KMT2C: variants seen among roughly 807,000 people sequenced by gnomAD.
KMT2C encodes lysine methyltransferase 2C.
A neutral mutation model predicts 507.9 loss-of-function variants in KMT2C; 88 were observed. The ratio of observed to expected loss-of-function variants is 0.17; its 90% confidence interval spans 0.15 to 0.21. The LOEUF (loss-of-function observed/expected upper bound fraction) is 0.21. Among genes scored for constraint, KMT2C ranks in the 10% least tolerant of loss-of-function variants. The pLI, the probability that KMT2C is intolerant of heterozygous loss-of-function variation, is 1.00. For synonymous variants in KMT2C, 2,049 were observed against 2,080.8 expected (o/e 0.98, Z 0.42); for missense variants, 4,954 against 5,957.8 (o/e 0.83, Z 5.55).
chr7:152,349,400 C>T (rs1288465796), intron 2 of KMT2C, among the ~76,000 whole-genome samples: 2 of 151,792 alleles, frequency 1.3e-5, no homozygotes, highest in African/African-American at 4.8e-5. Flanking sequence ...GCCAAGATCA[C>T]ACCATTGCAC....
intron 1 of KMT2C, among the ~76,000 whole-genome samples, chr7:152,369,338 C>CAA (rs369176050): frequency 7.2e-6 from 1 of 139,654 alleles, no homozygotes; most frequent in East Asian, 2.0e-4. Flanking sequence ...AAAACAAAAA[C>CAA]AAAAAAAAAA....
intron 1 of KMT2C, among the ~76,000 whole-genome samples, chr7:152,364,740 G>A (rs543500699): frequency 6.6e-6 from 1 of 151,518 alleles, no homozygotes; most frequent in Non-Finnish European, 1.5e-5. Flanking sequence ...TCAAAATAAA[G>A]AACAGTATGA....
At chr7:152,330,941 T>C (rs145535633) in intron 2 of KMT2C, among the ~76,000 whole-genome samples, 73 of 152,340 alleles carry the variant, frequency 4.8e-4, no homozygotes, top group African/African-American at 1.7e-3. Flanking sequence ...ATCAAAATAA[T>C]GTGAAGCATG....
chr7:152,253,543 A>G (rs1302714004), intron 9 of KMT2C, among the ~76,000 whole-genome samples: 1 of 147,506 alleles, frequency 6.8e-6, no homozygotes, highest in Non-Finnish European at 1.5e-5. Flanking sequence ...AAAAAAAAAA[A>G]TTTAATTAGC....
chr7:152,409,439 C>T (rs1407019500), intron 1 of KMT2C, among the ~76,000 whole-genome samples: 1 of 151,510 alleles, frequency 6.6e-6, no homozygotes, highest in African/African-American at 2.4e-5. Flanking sequence ...TTAAGTGGGC[C>T]AGGTGCAGTG....
At chr7:152,427,732 C>T (rs145654271) in intron 1 of KMT2C, among the ~76,000 whole-genome samples, 2 of 152,290 alleles carry the variant, frequency 1.3e-5, no homozygotes, top group Non-Finnish European at 1.5e-5. Flanking sequence ...AATTCCCATA[C>T]GCCATATTCT....
intron 2 of KMT2C, among the ~76,000 whole-genome samples, chr7:152,338,743 T>C (rs772902103): frequency 1.3e-5 from 2 of 152,212 alleles, no homozygotes; most frequent in Non-Finnish European, 2.9e-5. Context: ...CCTGATGTGC[T>C]CTTTTCACTA....
At chr7:152,260,236 T>C (rs2095746161) in intron 9 of KMT2C, among the ~76,000 whole-genome samples, 2 of 152,176 alleles carry the variant, frequency 1.3e-5, no homozygotes, top group Admixed American at 6.5e-5. Flanking sequence ...AAGTATCCAA[T>C]AGTATTCCCA....
intron 15 of KMT2C, among the ~76,000 whole-genome samples, chr7:152,237,167 G>A (rs2095291980): frequency 6.6e-6 from 1 of 152,122 alleles, no homozygotes; most frequent in African/African-American, 2.4e-5. Flanking sequence ...ATACTTAGAT[G>A]TTTCCCTCAC....
Position 152,207,281 on chromosome 7 carries a change from T to C in KMT2C, c.3841+19A>G, listed in dbSNP as rs2094334309. On this transcript the variant is annotated intron_variant, in intron 24 of 58. Coordinates refer to ENST00000262189, the MANE Select transcript of KMT2C (RefSeq NM_170606.3). The stretch of plus-strand genomic sequence containing the variant: ...ACCAAGTGTTGATGATATTGAAATG[T>C]CTACCTCAGGCACTATACCTGGTCT... 1 of 1,487,632 alleles carries C rather than the reference T, an allele frequency of 6.7e-7. No homozygotes were observed. The highest frequency in any genetic ancestry group is 9.1e-7 in the Non-Finnish European group (1 of 1,095,524). The allele number at this position is 1,487,632 out of a possible 1,614,324, so 92.2% of individuals were successfully genotyped here.
At chr7:152,185,658 CT>C (rs1563308325) in intron 33 of KMT2C, 27 bp from the exon 34 acceptor site, 1 of 1,515,266 alleles carries the variant, frequency 6.6e-7, no homozygotes, top group East Asian at 2.3e-5. Context: ...GAGTATAACA[CT>C]TTCTCAGAGC....
At chr7:152,404,308 T>C (rs538659958) in intron 1 of KMT2C, among the ~76,000 whole-genome samples, 1 of 152,176 alleles carries the variant, frequency 6.6e-6, no homozygotes, top group East Asian at 1.9e-4. Flanking sequence ...CTCTTCAGGA[T>C]AAATAATTTC....
At chr7:152,255,140 T>TACAC (rs1554583932) in intron 9 of KMT2C, among the ~76,000 whole-genome samples, 1 of 125,470 alleles carries the variant, frequency 8.0e-6, no homozygotes, top group African/African-American at 3.4e-5. Context: ...TATATATATA[T>TACAC]ATATACATAT....
chr7:152,392,827 T>C (rs1377041742), intron 1 of KMT2C, among the ~76,000 whole-genome samples: 1 of 152,202 alleles, frequency 6.6e-6, no homozygotes, highest in Non-Finnish European at 1.5e-5. Flanking sequence ...AGAACAATAA[T>C]ACAATATAAG....
Position 152,238,702 on chromosome 7 carries a change from T to C in KMT2C, c.2652+5A>G. ...ATATATGAATGTAAATGCAATTTTA[T>C]TTACCACTTTGATGCTCCAAATGGC... On this transcript the variant is annotated splice_donor_5th_base_variant and intron_variant, in intron 15 of 58. Coordinates refer to ENST00000262189, the MANE Select transcript of KMT2C (RefSeq NM_170606.3). 1 of 1,599,942 alleles carries C rather than the reference T, an allele frequency of 6.3e-7. No individual in the cohort carries two copies.
chr7:152,166,967 A>G (rs1179521450), intron 42 of KMT2C, among the ~76,000 whole-genome samples, 179 bp downstream of exon 42: 2 of 152,160 alleles, frequency 1.3e-5, no homozygotes, highest in African/African-American at 2.4e-5. Flanking sequence ...AAAAGACTGG[A>G]GCTGTTATGG....
chr7:152,410,883 G>C (rs36164394), intron 1 of KMT2C, among the ~76,000 whole-genome samples: 1 of 150,832 alleles, frequency 6.6e-6, no homozygotes, highest in African/African-American at 2.4e-5. Flanking sequence ...ACATCCCCAC[G>C]GCCCCAGCTA....
At position 152,295,791 on chromosome 7, in the gene KMT2C, G is replaced by A. The variant is rs371435210; in HGVS notation, c.849+14175C>T. 5.9e-5 allele frequency among the ~76,000 whole-genome samples: 9 copies of A among 152,308 alleles called. No homozygotes were observed. In the East Asian group the frequency reaches 9.6e-4, roughly 16 times the overall value. On this transcript the variant is annotated intron_variant, in intron 6 of 58. Transcript: ENST00000262189. ...GTTTAAGATATGAACGCTCGGCTGG[G>A]CGCAGTGGCTCACGCCTGTAATCCC...
chr7:152,172,069 T>C (rs1587903789), intron 39 of KMT2C, among the ~76,000 whole-genome samples: 1 of 152,366 alleles, frequency 6.6e-6, no homozygotes, highest in Middle Eastern at 3.4e-3. Context: ...TAAAAATGTA[T>C]TCCAAAAGCT....
Sources: allele counts gnomAD v4.1 joint callset (sites outside exome capture counted in the v4.1 genomes callset), GRCh38; gene constraint gnomAD v4.1.1; transcripts MANE v1.5; gene names NCBI Gene and HGNC (gene_info 2026-07-23, HGNC 2026-07-21).